The following MYRIP variants were observed in gnomAD, a reference collection of about 807,000 sequenced individuals.
The protein encoded by MYRIP is myosin VIIA and Rab interacting protein, also known as rab effector MyRIP.
MYRIP carries 49 observed loss-of-function variants against 98.0 expected under a neutral mutation model. The observed-to-expected ratio is 0.50, with a 90% CI of 0.40 to 0.63. The LOEUF (loss-of-function observed/expected upper bound fraction) is 0.63, where lower values mean the gene tolerates loss of function less well. MYRIP is among the 30% of genes least tolerant of loss of function. The probability of loss-of-function intolerance (pLI) is 0.00; values close to 1 mark genes in which losing one functional copy is unlikely to be tolerated. For synonymous variants in MYRIP, 404 were observed against 409.5 expected (o/e 0.99, Z 0.16); for missense variants, 1,004 against 1,058.2 (o/e 0.95, Z 0.71).
chr3:40,054,023 T>C (rs1185652730), intron 3 of MYRIP, among the ~76,000 whole-genome samples: 1 of 152,146 alleles, frequency 6.6e-6, no homozygotes, highest in South Asian at 2.1e-4. Flanking sequence ...AACTGTTTTG[T>C]CACTCTGGCT....
intron 2 of MYRIP, among the ~76,000 whole-genome samples, chr3:40,002,361 C>T (rs533923814): frequency 6.6e-6 from 1 of 152,114 alleles, no homozygotes; most frequent in Non-Finnish European, 1.5e-5. Flanking sequence ...ATGGTGAAAC[C>T]CCATCTCTAC....
At chr3:40,127,474 G>T (rs1949547222) in intron 3 of MYRIP, among the ~76,000 whole-genome samples, 2 of 152,196 alleles carry the variant, frequency 1.3e-5, no homozygotes, top group Non-Finnish European at 2.9e-5. Context: ...TCCCTTCTTT[G>T]TAGTCAAGTG....
chr3:39,899,826 A>G (rs761326857), intron 1 of MYRIP, among the ~76,000 whole-genome samples: 30 of 152,088 alleles, frequency 2.0e-4, no homozygotes, highest in Non-Finnish European at 4.0e-4. Context: ...CTTATTTGCC[A>G]TTTCTATTTT....
chr3:39,968,003 T>G lies in MYRIP; in HGVS notation c.110+67077T>G, dbSNP rs1214955395. 4.6e-5 allele frequency among the ~76,000 whole-genome samples: 7 copies of G among 152,258 alleles called. No homozygotes were observed. In the East Asian group the frequency reaches 1.2e-3, roughly 25 times the overall value. ...TTAGACGTCTGTCAGATGCATAGTT[T>G]GTAAATTTTTTCCCATTCTGTAGGT... is the stretch of plus-strand genomic sequence containing the variant. On this transcript the variant is annotated intron_variant, in intron 2 of 16. Transcript: ENST00000302541.
chr3:40,128,828 G>A (rs1949576351), intron 3 of MYRIP, among the ~76,000 whole-genome samples: 1 of 152,168 alleles, frequency 6.6e-6, no homozygotes, highest in African/African-American at 2.4e-5. Flanking sequence ...AATTGCTGCT[G>A]TGCTTAATTC....
chr3:40,054,432 A>G (rs1265726786), intron 3 of MYRIP, among the ~76,000 whole-genome samples: 2 of 152,178 alleles, frequency 1.3e-5, no homozygotes, highest in Non-Finnish European at 2.9e-5. Context: ...TTATGTGTCA[A>G]CTTGGCTAGG....
rs537988451 is a variant in MYRIP at position 39,822,453 on chromosome 3, AGATTTTTTTTTGC to A, written c.-31+12549_-31+12561del. 2.8e-4 allele frequency among the ~76,000 whole-genome samples: 42 copies of A among 150,488 alleles called. 1 individual carries two copies. In the South Asian group the frequency reaches 4.2e-3, roughly 15 times the overall value. On this transcript the variant is annotated intron_variant, in intron 1 of 16. Transcript: ENST00000302541. ...TCGTAAACTTTCTTAAAACATTATGAGATTTTTTTTTGCGATTTTTTTTTTCTCATCAGCTCTC... is the reference window on the plus strand; with the variant it reads ...TCGTAAACTTTCTTAAAACATTATGAGATTTTTTTTTTCTCATCAGCTCTC...
chr3:40,251,752 A>ATT, intron 15 of MYRIP, 129 bp from the exon 16 acceptor site: 1 of 647,910 alleles, frequency 1.5e-6, no homozygotes, highest in Admixed American at 2.7e-5. Flanking sequence ...ATAGTCAATC[A>ATT]AACACAGTAC....
chr3:40,214,401 C>T (rs1183217505), intron 11 of MYRIP, among the ~76,000 whole-genome samples: 1 of 152,204 alleles, frequency 6.6e-6, no homozygotes, highest in Non-Finnish European at 1.5e-5. Flanking sequence ...AACATCCCAT[C>T]TAATTGGAGC....
intron 3 of MYRIP, among the ~76,000 whole-genome samples, chr3:40,071,485 C>T (rs1948226498): frequency 6.6e-6 from 1 of 152,130 alleles, no homozygotes; most frequent in Non-Finnish European, 1.5e-5. Context: ...AGTTTATTTA[C>T]TATGTGTGAT....
At chr3:39,999,228 A>G (rs778934820) in intron 2 of MYRIP, among the ~76,000 whole-genome samples, 3 of 152,242 alleles carry the variant, frequency 2.0e-5, no homozygotes, top group Non-Finnish European at 4.4e-5. Flanking sequence ...AACTACCATC[A>G]GAGTGAACAG....
At chr3:40,032,462 T>G (rs572015761) in intron 2 of MYRIP, among the ~76,000 whole-genome samples, 10 of 152,142 alleles carry the variant, frequency 6.6e-5, no homozygotes, top group Non-Finnish European at 1.3e-4. Context: ...GGTCAATTTT[T>G]GAATAGGTGT....
intron 1 of MYRIP, among the ~76,000 whole-genome samples, chr3:39,839,573 T>A (rs542409363): frequency 1.6e-4 from 25 of 152,274 alleles, no homozygotes; most frequent in African/African-American, 5.1e-4. Context: ...TTCTTTTAAT[T>A]GTGATGTTAG....
intron 11 of MYRIP, among the ~76,000 whole-genome samples, chr3:40,220,905 C>T (rs1039283483): frequency 3.3e-5 from 5 of 151,854 alleles, no homozygotes; most frequent in African/African-American, 7.3e-5. Flanking sequence ...TCTGCCCCCA[C>T]GATCCAATCA....
At chr3:39,897,426 AT>A (rs1408277193) in intron 1 of MYRIP, among the ~76,000 whole-genome samples, 2 of 152,212 alleles carry the variant, frequency 1.3e-5, no homozygotes, top group African/African-American at 4.8e-5. Flanking sequence ...ATAATTAAAT[AT>A]TGACATACTA....
chr3:40,041,250 A>G (rs1947523924), intron 2 of MYRIP, among the ~76,000 whole-genome samples: 1 of 115,548 alleles, frequency 8.7e-6, no homozygotes, highest in Non-Finnish European at 1.9e-5. Flanking sequence ...CTGATACTAT[A>G]TAACTGGTGA....
intron 2 of MYRIP, among the ~76,000 whole-genome samples, chr3:40,017,791 G>T (rs370773770): frequency 1.3e-5 from 2 of 150,666 alleles, no homozygotes; most frequent in Non-Finnish European, 2.9e-5. Context: ...GTCTAATAAG[G>T]CCAGACTGTG....
intron 13 of MYRIP, among the ~76,000 whole-genome samples, chr3:40,247,165 T>G (rs1017409616): frequency 2.7e-4 from 41 of 152,312 alleles, no homozygotes; most frequent in Non-Finnish European, 4.3e-4. Context: ...TGGATAGTTA[T>G]TCCCCCTTCC....
chr3:40,121,541 C>T (rs1255227588), intron 3 of MYRIP, among the ~76,000 whole-genome samples: 3 of 152,030 alleles, frequency 2.0e-5, no homozygotes, highest in Non-Finnish European at 2.9e-5. Context: ...CCCTGGGTAC[C>T]ACCACTGCAT....
Sources: allele counts gnomAD v4.1 joint callset (sites outside exome capture counted in the v4.1 genomes callset), GRCh38; gene constraint gnomAD v4.1.1; transcripts MANE v1.5; gene names NCBI Gene and HGNC (gene_info 2026-07-23, HGNC 2026-07-21).